The following C15orf61 variants were observed in gnomAD, a reference collection of about 807,000 sequenced individuals.
The protein encoded by C15orf61 is uncharacterized protein C15orf61.
A neutral mutation model predicts 13.7 loss-of-function variants in C15orf61; 12 were observed. The ratio of observed to expected loss-of-function variants is 0.88; its 90% CI spans 0.56 to 1.42. The LOEUF is 1.42. Among genes scored for constraint, C15orf61 ranks in the 40% most tolerant of loss-of-function variants. The pLI is 0.00. For missense variants in C15orf61, 248 were observed against 213.2 expected (o/e 1.16, Z -1.02); for synonymous variants, 92 against 94.1 (o/e 0.98, Z 0.13).
At chr15:67,521,721 G>A in intron 1 of C15orf61, 127 bp downstream of exon 1, 2 of 998,826 alleles carry the variant, frequency 2.0e-6, no homozygotes, top group Non-Finnish European at 2.8e-6. Flanking sequence ...GCCTCCCGGC[G>A]CCGGCTTCGC....
In C15orf61 at chr15:67,528,470, C is replaced by A. The variant is rs150323103; in HGVS notation, c.*1925C>A. ...AAAATCAATAGACCTCTTGCTCTTA[C>A]GGAGTTGATCATGGTGAAGGATGAA... On this transcript the variant is annotated 3_prime_UTR_variant, in exon 2 of 2. Coordinates refer to ENST00000342683, the MANE Select transcript of C15orf61 (RefSeq NM_001143936.2). 6.6e-6 allele frequency: 1 copy of A among 152,206 alleles called. No homozygotes were observed. The highest frequency in any genetic ancestry group is 2.4e-5 in the African/African-American group (1 of 41,456). The allele number at this position is 152,206 out of a possible 1,614,324, so 9.4% of individuals were successfully genotyped here. A position where few individuals can be genotyped will look rare whatever the true frequency, so the allele number is the denominator to read the frequency against.
At position 67,528,592 on chromosome 15, in the gene C15orf61, C is replaced by A. The variant is rs990937726; in HGVS notation, c.*2047C>A. 1 of 152,108 alleles carries A rather than the reference C, an allele frequency of 6.6e-6. No homozygotes were observed. The highest frequency in any genetic ancestry group is 1.5e-5 in the Non-Finnish European group (1 of 68,012). The allele number at this position is 152,108 out of a possible 1,614,324, so 9.4% of individuals were successfully genotyped here. A position where few individuals can be genotyped will look rare whatever the true frequency, so the allele number is the denominator to read the frequency against. On this transcript the variant is annotated 3_prime_UTR_variant, in exon 2 of 2. Coordinates refer to ENST00000342683, the MANE Select transcript of C15orf61 (RefSeq NM_001143936.2). ...AACTTGTAGTCTGAAAACAATACTT[C>A]CCATTGAACAGCAATGGTTTAAGTT...
chr15:67,526,660 T>A lies in C15orf61; in HGVS notation c.*115T>A. The A allele has an allele frequency of 9.4e-7, 1 of 1,069,432 alleles. No homozygotes were observed. Among genetic ancestry groups the A allele is most frequent in the Non-Finnish European group, 1.3e-6 (1 of 794,694 alleles). 66.2% of individuals were successfully genotyped at this position (1,069,432 alleles called of 1,614,324 possible). A position where few individuals can be genotyped will look rare whatever the true frequency, so the allele number is the denominator to read the frequency against. On this transcript the variant is annotated 3_prime_UTR_variant, in exon 2 of 2. Transcript: ENST00000342683. Reference sequence around the variant, plus strand: ...CAAATACTTTTTTCTTTCTACAGTATCTGCTTCTTTAAGATGAATCATTGC... The same window carrying A: ...CAAATACTTTTTTCTTTCTACAGTAACTGCTTCTTTAAGATGAATCATTGC...
At chr15:67,522,514 A>G (rs1431608280) in intron 1 of C15orf61, among the ~76,000 whole-genome samples, 1 of 152,232 alleles carries the variant, frequency 6.6e-6, no homozygotes, top group African/African-American at 2.4e-5. Context: ...TTATAATAAC[A>G]CATATGTCAG....
Position 67,526,544 on chromosome 15 carries a change from G to A in C15orf61, c.473G>A (p.Ter158=), listed in dbSNP as rs1379428990. The part of the protein sequence containing the change: ...LNKEDEGAMY[*] Reference sequence around the variant, plus strand: ...AAAGAAGATGAAGGTGCCATGTATTGAAAGTGTGCGTCAAAGAACATAAAT... The same window carrying A: ...AAAGAAGATGAAGGTGCCATGTATTAAAAGTGTGCGTCAAAGAACATAAAT... The change falls in exon 2 of 2, where the codon TGA becomes TAA. Residue 158 remains the stop codon, a stop_retained_variant. Coordinates refer to ENST00000342683, the MANE Select transcript of C15orf61 (RefSeq NM_001143936.2). 2.0e-6 allele frequency: 3 copies of A among 1,519,936 alleles called. No homozygotes were observed. Among genetic ancestry groups the A allele is most frequent in the South Asian group, 2.6e-5 (2 of 77,004 alleles). 94.2% of individuals were successfully genotyped at this position (1,519,936 alleles called of 1,614,324 possible).
intron 1 of C15orf61, among the ~76,000 whole-genome samples, chr15:67,523,402 T>A (rs543896750): frequency 6.6e-6 from 1 of 152,266 alleles, no homozygotes; most frequent in Non-Finnish European, 1.5e-5. Flanking sequence ...CCTTCCAAAT[T>A]CATTTTTCCA....
Position 67,522,372 on chromosome 15 carries a change from G to A in C15orf61, c.346+778G>A, listed in dbSNP as rs182736048. ...CAGTGATTCAAAATCTAGCCATGGA[G>A]CTGAATGAACCATGTTACCCAGCCA... On this transcript the variant is annotated intron_variant, in intron 1 of 1. Coordinates refer to ENST00000342683, the MANE Select transcript of C15orf61 (RefSeq NM_001143936.2). The A allele has an allele frequency of 4.7e-6, 3 of 640,156 alleles. No homozygotes were observed. In the African/African-American group the frequency reaches 5.5e-5, roughly 12 times the overall value. The allele number at this position is 640,156 out of a possible 1,614,324, so 39.7% of individuals were successfully genotyped here. A position where few individuals can be genotyped will look rare whatever the true frequency, so the allele number is the denominator to read the frequency against.
At position 67,521,478 on chromosome 15, in the gene C15orf61, A is replaced by G; in HGVS notation, c.230A>G (p.Tyr77Cys). The change falls in exon 1 of 2, where the codon TAC (tyrosine) becomes TGC (cysteine). Residue 77 changes from tyrosine (Y) to cysteine (C), a missense_variant. Tyr to Cys is a radical substitution (Grantham distance 194). Coordinates refer to ENST00000342683, the MANE Select transcript of C15orf61 (RefSeq NM_001143936.2). Reference sequence around the variant, plus strand: ...AACTGGCCGGTGCAGGGCGCCAACTACCACGTCCTGCGCACCGGCTGCTTC... The same window carrying G: ...AACTGGCCGGTGCAGGGCGCCAACTGCCACGTCCTGCGCACCGGCTGCTTC... ...HFNWPVQGANYHVLRTGCFPF... is the reference protein window; with the variant it reads ...HFNWPVQGANCHVLRTGCFPF... 1 of 1,548,310 alleles carries G rather than the reference A, an allele frequency of 6.5e-7. No individual in the cohort carries two copies. The highest frequency in any genetic ancestry group is 8.7e-7 in the Non-Finnish European group (1 of 1,146,648).
rs570868551 is a variant in C15orf61, at chr15:67,522,298, C to T, written c.346+704C>T. On this transcript the variant is annotated intron_variant, in intron 1 of 1. Transcript: ENST00000342683. Reference sequence around the variant, plus strand: ...TAGGTCAGGGGAAAACAGAAGGCCTCAAGATGTTTTGAACTTACTAATAGC... The same window carrying T: ...TAGGTCAGGGGAAAACAGAAGGCCTTAAGATGTTTTGAACTTACTAATAGC... The T allele has an allele frequency of 3.9e-4, 270 of 688,696 alleles. 4 individuals are homozygous for T. The South Asian group carries it at 4.0e-3, about 10-fold the overall frequency. The allele number at this position is 688,696 out of a possible 1,614,324, so 42.7% of individuals were successfully genotyped here. A position where few individuals can be genotyped will look rare whatever the true frequency, so the allele number is the denominator to read the frequency against.
intron 1 of C15orf61, among the ~76,000 whole-genome samples, chr15:67,524,883 CT>C (rs1165015892): frequency 7.4e-6 from 1 of 135,918 alleles, no homozygotes; most frequent in African/African-American, 2.8e-5. Context: ...TGTCGCCAGG[CT>C]GGAGTGCAGT....
chr15:67,526,288 CAATGTT>C (rs2084198266), intron 1 of C15orf61, 124 bp from the exon 2 acceptor site: 1 of 590,844 alleles, frequency 1.7e-6, no homozygotes, highest in African/African-American at 1.9e-5. Context: ...TAATCAGAGT[CAATGTT>C]GATTAATATT....
chr15:67,521,381 C>G lies in C15orf61; in HGVS notation c.133C>G (p.Leu45Val). 1 of 1,540,130 alleles carries G rather than the reference C, an allele frequency of 6.5e-7. No individual in the cohort carries two copies. Among genetic ancestry groups the G allele is most frequent in the East Asian group, 2.4e-5 (1 of 40,888 alleles). The change falls in exon 1 of 2, where the codon CTG (leucine) becomes GTG (valine). Residue 45 changes from leucine (L) to valine (V), a missense_variant. By Grantham distance (32) the Leu-to-Val change is conservative. Transcript: ENST00000342683. Reference sequence around the variant, plus strand: ...GACGCGGCATCTGCTGCAGCGGCGCCTGCCGCACTGGACCTCCTTCTGCGT... The same window carrying G: ...GACGCGGCATCTGCTGCAGCGGCGCGTGCCGCACTGGACCTCCTTCTGCGT... ...VLTRHLLQRR[L>V]PHWTSFCVPY...
chr15:67,529,988 C>T lies in C15orf61; in HGVS notation c.*3443C>T, dbSNP rs1019765815. 1.3e-5 allele frequency: 2 copies of T among 152,162 alleles called. No homozygotes were observed. The highest frequency in any genetic ancestry group is 1.3e-4 in the Admixed American group (2 of 15,276). 9.4% of individuals were successfully genotyped at this position (152,162 alleles called of 1,614,324 possible). ...TCTACTGTTACTCAAACAATAATGA[C>T]ATTTGGGGGCATCTTAACCTAAACA... On this transcript the variant is annotated 3_prime_UTR_variant, in exon 2 of 2. Transcript: ENST00000342683. The surrounding 1 kb of genome is among the most constrained non-coding windows in gnomAD (Gnocchi z 4.4).
rs2589991 is a variant in C15orf61, at chr15:67,521,192, G to A, written c.-57G>A. 2.9e-5 allele frequency: 33 copies of A among 1,133,592 alleles called. No homozygotes were observed. Among genetic ancestry groups the A allele is most frequent in the South Asian group, 2.7e-4 (6 of 22,398 alleles). 70.2% of individuals were successfully genotyped at this position (1,133,592 alleles called of 1,614,324 possible). A position where few individuals can be genotyped will look rare whatever the true frequency, so the allele number is the denominator to read the frequency against. Reference sequence around the variant, plus strand: ...TGGCCTTCCCGGCGCTCGCCCGGGGGCGCGCTTGCGCGCCAGCGGCTGCGG... The same window carrying A: ...TGGCCTTCCCGGCGCTCGCCCGGGGACGCGCTTGCGCGCCAGCGGCTGCGG... On this transcript the variant is annotated 5_prime_UTR_variant, in exon 1 of 2. Coordinates refer to ENST00000342683, the MANE Select transcript of C15orf61 (RefSeq NM_001143936.2).
chr15:67,528,801 A>G lies in C15orf61; in HGVS notation c.*2256A>G, dbSNP rs1442337576. Reference sequence around the variant, plus strand: ...ACCTGTAATCTGAGAAGAACGAAACAAGAGACATTTCTACCCGAAAATGTA... The same window carrying G: ...ACCTGTAATCTGAGAAGAACGAAACGAGAGACATTTCTACCCGAAAATGTA... On this transcript the variant is annotated 3_prime_UTR_variant, in exon 2 of 2. Transcript: ENST00000342683. 6.6e-6 allele frequency: 1 copy of G among 152,128 alleles called. No individual in the cohort carries two copies. The highest frequency in any genetic ancestry group is 1.5e-5 in the Non-Finnish European group (1 of 68,016). The allele number at this position is 152,128 out of a possible 1,614,324, so 9.4% of individuals were successfully genotyped here. A position where few individuals can be genotyped will look rare whatever the true frequency, so the allele number is the denominator to read the frequency against.
rs1487721367 is a variant in C15orf61, at chr15:67,526,435, T to C, written c.364T>C (p.Tyr122His). 1.3e-6 allele frequency: 2 copies of C among 1,529,760 alleles called. No individual in the cohort carries two copies. The highest frequency in any genetic ancestry group is 1.8e-6 in the Non-Finnish European group (2 of 1,128,622). The allele number at this position is 1,529,760 out of a possible 1,614,324, so 94.8% of individuals were successfully genotyped here. Residue 122 changes from tyrosine to histidine, a missense_variant, in exon 2 of 2, where the codon TAT (tyrosine) becomes CAT (histidine). Tyr to His is a moderately conservative substitution (Grantham distance 83, BLOSUM62 2). Coordinates refer to ENST00000342683, the MANE Select transcript of C15orf61 (RefSeq NM_001143936.2). ...VVNLGIPTLLYGLGSWLFARV... is the reference protein window; with the variant it reads ...VVNLGIPTLLHGLGSWLFARV... ...TTTTCTAGGTATTCCAACTTTATTA[T>C]ATGGACTTGGCTCCTGGTTATTTGC...
Position 67,526,566 on chromosome 15 carries a change from A to G in C15orf61, c.*21A>G. The G allele has an allele frequency of 1.3e-6, 2 of 1,489,896 alleles. No individual in the cohort carries two copies. The highest frequency in any genetic ancestry group is 1.8e-6 in the Non-Finnish European group (2 of 1,115,832). 92.3% of individuals were successfully genotyped at this position (1,489,896 alleles called of 1,614,324 possible). A position where few individuals can be genotyped will look rare whatever the true frequency, so the allele number is the denominator to read the frequency against. On this transcript the variant is annotated 3_prime_UTR_variant, in exon 2 of 2. Coordinates refer to ENST00000342683, the MANE Select transcript of C15orf61 (RefSeq NM_001143936.2). Reference sequence around the variant, plus strand: ...ATTGAAAGTGTGCGTCAAAGAACATAAATATCAGTGGATTTTCTCTGTGTA... The same window carrying G: ...ATTGAAAGTGTGCGTCAAAGAACATGAATATCAGTGGATTTTCTCTGTGTA...
chr15:67,521,203 C>T lies in C15orf61; in HGVS notation c.-46C>T, dbSNP rs2084156136. ...GCGCTCGCCCGGGGGCGCGCTTGCG[C>T]GCCAGCGGCTGCGGACACCAGCCTG... On this transcript the variant is annotated 5_prime_UTR_variant, in exon 1 of 2. Coordinates refer to ENST00000342683, the MANE Select transcript of C15orf61 (RefSeq NM_001143936.2). The T allele has an allele frequency of 1.7e-6, 2 of 1,168,238 alleles. No homozygotes were observed. Among genetic ancestry groups the T allele is most frequent in the East Asian group, 3.4e-5 (1 of 29,226 alleles). The allele number at this position is 1,168,238 out of a possible 1,614,324, so 72.4% of individuals were successfully genotyped here.
rs1405642804 is a variant in C15orf61 at position 67,529,466 on chromosome 15, C to T, written c.*2921C>T. On this transcript the variant is annotated 3_prime_UTR_variant, in exon 2 of 2. Transcript: ENST00000342683. The surrounding 1 kb of genome is among the most constrained non-coding windows in gnomAD (Gnocchi z 4.4). ...TGAGAAGGAGTTTCAGTCTTGTTGT[C>T]TAGGCTGGAGTGCAATGGTGCGACC... The T allele has an allele frequency of 2.6e-5, 4 of 152,204 alleles. No individual in the cohort carries two copies. In the East Asian group the frequency reaches 7.7e-4, roughly 29 times the overall value. The allele number at this position is 152,204 out of a possible 1,614,324, so 9.4% of individuals were successfully genotyped here.
Sources: gnomAD v4.1 joint callset for allele counts (sites outside exome capture counted in the v4.1 genomes callset) on GRCh38, gnomAD v4.1.1 for gene constraint, Gnocchi (gnomAD v3.1) non-coding constraint, MANE v1.5 for transcripts, NCBI Gene and HGNC (gene_info 2026-07-23, HGNC 2026-07-21) for gene names.